Variants in DSG3 observed in about 807,000 individuals in gnomAD.
DSG3 encodes the protein desmoglein-3.
In DSG3, 63 loss-of-function variants were observed where a neutral mutation model predicts 85.9. The ratio of observed to expected loss-of-function variants is 0.73; its 90% CI spans 0.60 to 0.90. DSG3 has a LOEUF of 0.90. Among genes scored for constraint, DSG3 ranks in the 40% least tolerant of loss-of-function variants. The pLI is 0.00. For synonymous variants in DSG3, 447 were observed against 441.9 expected (o/e 1.01, Z -0.14); for missense variants, 1,220 against 1,219.9 (o/e 1.00, Z 0.00).
intron 1 of DSG3, among the ~76,000 whole-genome samples, chr18:31,449,874 T>A (rs565176362): frequency 6.6e-6 from 1 of 152,324 alleles, no homozygotes; most frequent in East Asian, 1.9e-4. Flanking sequence ...GAAATGTGGT[T>A]GGTCTGAGTT....
rs1467168294 is a variant in DSG3, at chr18:31,476,083, T to A, written c.2823T>A (p.Gly941=). The A allele has an allele frequency of 3.7e-6, 6 of 1,614,102 alleles. No individual in the cohort carries two copies. The African/African-American group carries it at 5.3e-5, about 14-fold the overall frequency. ...YLVTETYSAS[G]SLVQPSTAGF... ...TAACGGAGACTTACTCGGCTTCTGG[T>A]TCCCTCGTGCAACCTTCCACTGCAG... The change falls in exon 16 of 16, where the codon GGT becomes GGA. Residue 941 remains glycine, a synonymous_variant. Transcript: ENST00000257189.
intron 15 of DSG3, 142 bp downstream of exon 15, chr18:31,474,546 A>G: frequency 9.2e-7 from 1 of 1,085,574 alleles, no homozygotes; most frequent in Non-Finnish European, 1.3e-6. Flanking sequence ...TTTTTTGCCA[A>G]AATAATACAG....
chr18:31,471,579 A>G (rs937857834), intron 12 of DSG3, among the ~76,000 whole-genome samples: 4 of 152,202 alleles, frequency 2.6e-5, no homozygotes, highest in Non-Finnish European at 5.9e-5. Context: ...GCCACTGACA[A>G]CAAAGTGTGG....
intron 1 of DSG3, among the ~76,000 whole-genome samples, chr18:31,455,210 A>G (rs1598775485): frequency 1.3e-5 from 2 of 152,150 alleles, no homozygotes; most frequent in Admixed American, 1.3e-4. Flanking sequence ...TAAGTATTAC[A>G]TAAAACAGTA....
intron 9 of DSG3, 117 bp from the exon 10 acceptor site, chr18:31,465,201 T>C: frequency 1.5e-6 from 1 of 670,558 alleles, no homozygotes; most frequent in Non-Finnish European, 2.2e-6. Context: ...TAAAAGCATA[T>C]TTCAATGTGA....
chr18:31,465,183 G>A (rs2072810323), intron 9 of DSG3, 135 bp from the exon 10 acceptor site: 4 of 598,564 alleles, frequency 6.7e-6, no homozygotes, highest in Non-Finnish European at 9.9e-6. Flanking sequence ...ATTTTCTGTT[G>A]CTTTTTATAA....
chr18:31,447,834 A>C lies in DSG3; in HGVS notation c.-44A>C. The C allele has an allele frequency of 6.5e-7, 1 of 1,539,740 alleles. No individual in the cohort carries two copies. The highest frequency in any genetic ancestry group is 1.4e-5 in the African/African-American group (1 of 70,976). ...AACTGCAGACGGCTGGCAGGATAGA[A>C]GCAGCGGCTCACTTGGACTTTTTCA... On this transcript the variant is annotated 5_prime_UTR_variant, in exon 1 of 16. Transcript: ENST00000257189.
intron 1 of DSG3, among the ~76,000 whole-genome samples, chr18:31,450,733 C>T (rs1324820621): frequency 6.6e-6 from 1 of 152,166 alleles, no homozygotes; most frequent in Non-Finnish European, 1.5e-5. Context: ...TCACACCCCA[C>T]CCCCTGCCTA....
rs776098619 is a variant in DSG3, at chr18:31,475,633, TTC to T, written c.2386-9_2386-8del. On this transcript the variant is annotated splice_polypyrimidine_tract_variant and intron_variant, in intron 15 of 15. Transcript: ENST00000257189. ...CTTAAAATTCATTTTTTCCCACTTT[TTC>T]TCTGTCTTAGAAAGCATTTGCCTGT... 3 of 1,601,984 alleles carry T rather than the reference TTC, an allele frequency of 1.9e-6. No individual in the cohort carries two copies. The East Asian group carries it at 6.7e-5, about 36-fold the overall frequency.
At chr18:31,455,037 A>G (rs1183097363) in intron 1 of DSG3, among the ~76,000 whole-genome samples, 1 of 152,000 alleles carries the variant, frequency 6.6e-6, no homozygotes, top group African/African-American at 2.4e-5. Flanking sequence ...AAAAAAAAAA[A>G]AGAATTTAGT....
At chr18:31,471,016 T>A (rs2072852100) in intron 12 of DSG3, among the ~76,000 whole-genome samples, 1 of 152,208 alleles carries the variant, frequency 6.6e-6, no homozygotes, top group South Asian at 2.1e-4. Flanking sequence ...TGATCATATT[T>A]GTATTTTAGA....
In DSG3 at chr18:31,460,857, G is replaced by T. The variant is rs375964770; in HGVS notation, c.709G>T (p.Val237Leu). ...REQASSYRLV[V>L]SGADKDGEGL... ...GCAAGCTAGCAGCTATCGTCTGGTTGTGAGTGGTGCAGACAAAGATGGAGA... is the reference window on the plus strand; with the variant it reads ...GCAAGCTAGCAGCTATCGTCTGGTTTTGAGTGGTGCAGACAAAGATGGAGA... Residue 237 changes from valine to leucine, a missense_variant, in exon 7 of 16, where the codon GTG becomes TTG. Val to Leu is a conservative substitution (Grantham distance 32). Coordinates refer to ENST00000257189, the MANE Select transcript of DSG3 (RefSeq NM_001944.3). The T allele has an allele frequency of 1.3e-6, 2 of 1,591,772 alleles. No homozygotes were observed. The highest frequency in any genetic ancestry group is 1.4e-5 in the African/African-American group (1 of 73,306).
At position 31,469,327 on chromosome 18, in the gene DSG3, C is replaced by T; in HGVS notation, c.1875C>T (p.Leu625=). Reference sequence around the variant, plus strand: ...GGCCTGCCGCCATCGGCCTGCTGCTCCTTGGTCTCCTGCTGCTGCTGTGTG... The same window carrying T: ...GGCCTGCCGCCATCGGCCTGCTGCTTCTTGGTCTCCTGCTGCTGCTGTGTG... ...RLGPAAIGLL[L]LGLLLLLLAP... Residue 625 remains leucine (L), a synonymous_variant, in exon 12 of 16, where the codon CTC becomes CTT. Coordinates refer to ENST00000257189, the MANE Select transcript of DSG3 (RefSeq NM_001944.3). 2 of 1,613,138 alleles carry T rather than the reference C, an allele frequency of 1.2e-6. No homozygotes were observed. Among genetic ancestry groups the T allele is most frequent in the Non-Finnish European group, 1.7e-6 (2 of 1,180,032 alleles).
At position 31,469,131 on chromosome 18, in the gene DSG3, G is replaced by A. The variant is rs2072839358; in HGVS notation, c.1679G>A (p.Gly560Glu). 3 of 1,614,086 alleles carry A rather than the reference G, an allele frequency of 1.9e-6. No homozygotes were observed. The highest frequency in any genetic ancestry group is 2.7e-5 in the African/African-American group (2 of 74,932). ...LLRAQEQIPPGVYHISLVLTD... is the reference protein window; with the variant it reads ...LLRAQEQIPPEVYHISLVLTD... The stretch of plus-strand genomic sequence containing the variant: ...AGAGCCCAGGAACAGATACCTCCTG[G>A]AGTATACCACATCTCCCTGGTACTT... The change falls in exon 12 of 16, where the codon GGA (glycine) becomes GAA (glutamate). Residue 560 changes from glycine (G) to glutamate (E), a missense_variant. Physicochemically the swap from Gly to Glu is moderately conservative, Grantham distance 98 (BLOSUM62 -2). Coordinates refer to ENST00000257189, the MANE Select transcript of DSG3 (RefSeq NM_001944.3).
intron 1 of DSG3, among the ~76,000 whole-genome samples, chr18:31,453,567 A>T (rs2072724093): frequency 6.6e-6 from 1 of 152,216 alleles, no homozygotes; most frequent in Non-Finnish European, 1.5e-5. Flanking sequence ...TATGGATATC[A>T]AATTGCTTTA....
rs1415940392 is a variant in DSG3 at position 31,461,279 on chromosome 18, A to G, written c.866A>G (p.Gln289Arg). ...TTAAGTTCTGAATTACTTCGATTTC[A>G]AGTAACAGATTTGGATGAAGAGTAC... ...NILSSELLRF[Q>R]VTDLDEEYTD... The change falls in exon 8 of 16, where the codon CAA (glutamine) becomes CGA (arginine). Residue 289 changes from glutamine (Q) to arginine (R), a missense_variant. Gln to Arg is a conservative substitution (Grantham distance 43). Coordinates refer to ENST00000257189, the MANE Select transcript of DSG3 (RefSeq NM_001944.3). 6.2e-7 allele frequency: 1 copy of G among 1,613,668 alleles called. No homozygotes were observed. Among genetic ancestry groups the G allele is most frequent in the East Asian group, 2.2e-5 (1 of 44,792 alleles).
Position 31,464,227 on chromosome 18 carries a change from T to A in DSG3, c.1116T>A (p.Ile372=), listed in dbSNP as rs754601362. Residue 372 remains isoleucine, a synonymous_variant, in exon 9 of 16, where the codon ATT becomes ATA. Coordinates refer to ENST00000257189, the MANE Select transcript of DSG3 (RefSeq NM_001944.3). ...RYRVQSTPVT[I]QVINVREGIA... The stretch of plus-strand genomic sequence containing the variant: ...GAGTTCAGTCAACCCCAGTCACAAT[T>A]CAGGTAATAAATGTAAGAGAAGGAA... 1.2e-6 allele frequency: 2 copies of A among 1,614,102 alleles called. No individual in the cohort carries two copies. Among genetic ancestry groups the A allele is most frequent in the Admixed American group, 3.3e-5 (2 of 60,012 alleles).
intron 8 of DSG3, among the ~76,000 whole-genome samples, chr18:31,463,696 C>G (rs1360222729): frequency 6.6e-6 from 1 of 152,128 alleles, no homozygotes; most frequent in Non-Finnish European, 1.5e-5. Context: ...TTGTTCAGTC[C>G]TCACTACACC....
chr18:31,451,073 GA>G (rs2072708952), intron 1 of DSG3, among the ~76,000 whole-genome samples: 2 of 152,122 alleles, frequency 1.3e-5, no homozygotes, highest in African/African-American at 4.8e-5. Context: ...GTCTACTATT[GA>G]AAAAAATGTG....
Sources: allele counts gnomAD v4.1 joint callset (sites outside exome capture counted in the v4.1 genomes callset), GRCh38; gene constraint gnomAD v4.1.1; transcripts MANE v1.5; gene names NCBI Gene and HGNC (gene_info 2026-07-23, HGNC 2026-07-21).